Variants in CEP112 observed in about 807,000 individuals in gnomAD.
CEP112 encodes the protein centrosomal protein 112, also known as centrosomal protein of 112 kDa.
CEP112 carries 127 observed loss-of-function variants against 153.0 expected under a neutral mutation model. That is an observed-to-expected ratio of 0.83 (90% CI 0.72 to 0.96). CEP112 has a LOEUF of 0.96. Among genes scored for constraint, CEP112 ranks in the 40% least tolerant of loss-of-function variants. The pLI is 0.00. For missense variants in CEP112, 1,089 were observed against 1,101.2 expected, an observed-to-expected ratio of 0.99 and a Z score of 0.16; for synonymous variants, 358 against 374.4, an observed-to-expected ratio of 0.96 and a Z score of 0.51.
intron 24 of CEP112, among the ~76,000 whole-genome samples, chr17:65,647,602 G>A (rs1250793724): frequency 6.6e-6 from 1 of 150,500 alleles, no homozygotes; most frequent in Admixed American, 6.6e-5. Flanking sequence ...TCAGCCTCCC[G>A]AGTAGCTGGG....
At chr17:66,143,535 G>T (rs1189414768) in intron 4 of CEP112, among the ~76,000 whole-genome samples, 2 of 152,174 alleles carry the variant, frequency 1.3e-5, no homozygotes, top group Non-Finnish European at 2.9e-5. Context: ...CTGATTCCTG[G>T]ACCAAAACAG....
intron 19 of CEP112, among the ~76,000 whole-genome samples, chr17:65,916,377 G>A (rs1225779431): frequency 6.6e-6 from 1 of 151,404 alleles, no homozygotes; most frequent in Non-Finnish European, 1.5e-5. Flanking sequence ...TTTGTTCACT[G>A]TTATATCCCA....
intron 6 of CEP112, among the ~76,000 whole-genome samples, chr17:66,114,905 TA>T (rs979514726): frequency 1.2e-4 from 17 of 147,524 alleles, no homozygotes; most frequent in African/African-American, 2.0e-4. Flanking sequence ...TTTTTTTAAT[TA>T]AAAAAAAAAA....
At chr17:65,917,780 A>G (rs1043492383) in intron 19 of CEP112, among the ~76,000 whole-genome samples, 5 of 151,920 alleles carry the variant, frequency 3.3e-5, no homozygotes, top group African/African-American at 4.8e-5. Flanking sequence ...GCTGCCCAGT[A>G]TCTCCACCTT....
Position 66,131,577 on chromosome 17 carries a change from T to C in CEP112, c.564+1093A>G, listed in dbSNP as rs533013594. Among the ~76,000 whole-genome samples the C allele has an allele frequency of 2.7e-3, 414 of 151,736 alleles. 1 individual carries two copies. Among genetic ancestry groups the C allele is most frequent in the African/African-American group, 9.6e-3 (396 of 41,378 alleles). Reference sequence around the variant, plus strand: ...TAACACAGTGAAACCCCGTCTCTACTAAAAATACAAAAAATTAGCCAGGTG... The same window carrying C: ...TAACACAGTGAAACCCCGTCTCTACCAAAAATACAAAAAATTAGCCAGGTG... On this transcript the variant is annotated intron_variant, in intron 5 of 26. Coordinates refer to ENST00000535342, the MANE Select transcript of CEP112 (RefSeq NM_001199165.4).
intron 18 of CEP112, among the ~76,000 whole-genome samples, chr17:65,954,569 G>C (rs897054902): frequency 6.6e-6 from 1 of 152,018 alleles, no homozygotes; most frequent in Non-Finnish European, 1.5e-5. Flanking sequence ...AATCAAGGAG[G>C]CATCAGAGAA....
intron 19 of CEP112, among the ~76,000 whole-genome samples, chr17:65,919,308 G>A (rs902629663): frequency 3.3e-5 from 5 of 152,224 alleles, no homozygotes; most frequent in African/African-American, 9.6e-5. Context: ...AAGCATGTAC[G>A]CAGCCTCAGG....
At chr17:65,850,460 A>G (rs751418032) in intron 21 of CEP112, among the ~76,000 whole-genome samples, 1 of 152,154 alleles carries the variant, frequency 6.6e-6, no homozygotes, top group African/African-American at 2.4e-5. Context: ...TACCTTCAGA[A>G]CATATCCCAA....
chr17:65,910,486 A>T (rs992391665), intron 19 of CEP112, among the ~76,000 whole-genome samples: 1 of 152,160 alleles, frequency 6.6e-6, no homozygotes, highest in African/African-American at 2.4e-5. Flanking sequence ...GCCCATCATT[A>T]AAAACCAAAA....
chr17:65,943,923 A>T (rs34432238), intron 18 of CEP112, among the ~76,000 whole-genome samples: 72,846 of 151,964 alleles, frequency 0.48, 18,450 homozygotes, highest in East Asian at 0.89. Context: ...TCATTCTTTT[A>T]TCTCTAATCT....
At chr17:65,668,195 C>T (rs907061653) in intron 24 of CEP112, among the ~76,000 whole-genome samples, 3 of 152,136 alleles carry the variant, frequency 2.0e-5, no homozygotes, top group African/African-American at 7.2e-5. Context: ...TGCGCCCGGC[C>T]TCCTTGGGCA....
chr17:65,641,280 A>C (rs1353352882), intron 24 of CEP112, among the ~76,000 whole-genome samples: 34 of 152,190 alleles, frequency 2.2e-4, no homozygotes, highest in Admixed American at 2.2e-3. Flanking sequence ...CCCTGTAACA[A>C]TGCTTTATTT....
intron 24 of CEP112, among the ~76,000 whole-genome samples, chr17:65,648,045 T>C (rs2045535461): frequency 6.6e-6 from 1 of 152,186 alleles, no homozygotes; most frequent in African/African-American, 2.4e-5. Flanking sequence ...AATATTAAAT[T>C]CATTAGCATA....
intron 12 of CEP112, among the ~76,000 whole-genome samples, chr17:66,030,772 C>T (rs938937206): frequency 2.6e-5 from 4 of 152,038 alleles, no homozygotes; most frequent in Admixed American, 6.6e-5. Flanking sequence ...GGTAAGCAAG[C>T]ATTAGATGAA....
chr17:65,722,493 C>A lies in CEP112; in HGVS notation c.2607+20575G>T, dbSNP rs549438741. ...CGAACTCCTGACCTCAGGTGATCTG[C>A]CTGCCTTGGCCTCCCAAAGTGCTGG... On this transcript the variant is annotated intron_variant, in intron 23 of 26. Coordinates refer to ENST00000535342, the MANE Select transcript of CEP112 (RefSeq NM_001199165.4). Among the ~76,000 whole-genome samples the A allele has an allele frequency of 3.3e-5, 5 of 152,312 alleles. No individual in the cohort carries two copies. In the East Asian group the frequency reaches 9.7e-4, roughly 29 times the overall value.
chr17:66,059,502 A>G (rs2066838026), intron 11 of CEP112, among the ~76,000 whole-genome samples: 1 of 152,284 alleles, frequency 6.6e-6, no homozygotes, highest in African/African-American at 2.4e-5. Context: ...TGAACAAACA[A>G]TTCTCAAAAA....
chr17:66,130,698 C>G (rs934727417), intron 5 of CEP112, among the ~76,000 whole-genome samples: 4 of 149,974 alleles, frequency 2.7e-5, no homozygotes, highest in Admixed American at 1.3e-4. Flanking sequence ...ATGGTGTGAA[C>G]CCGGGAGGTG....
intron 12 of CEP112, among the ~76,000 whole-genome samples, chr17:66,050,328 GT>G (rs749820256): frequency 1.5e-4 from 23 of 152,138 alleles, no homozygotes; most frequent in Non-Finnish European, 2.6e-4. Context: ...GGATGTCAGT[GT>G]TTTACAATTT....
intron 23 of CEP112, among the ~76,000 whole-genome samples, chr17:65,742,580 G>A (rs893561207): frequency 1.3e-5 from 2 of 152,206 alleles, no homozygotes; most frequent in African/African-American, 2.4e-5. Flanking sequence ...TAGTTTCTCA[G>A]CAGCAACACA....
Sources: allele counts gnomAD v4.1 joint callset (sites outside exome capture counted in the v4.1 genomes callset), GRCh38; gene constraint gnomAD v4.1.1; transcripts MANE v1.5; gene names NCBI Gene and HGNC (gene_info 2026-07-23, HGNC 2026-07-21).